Variants in PTPN1 observed in about 807,000 individuals in gnomAD.
PTPN1 encodes tyrosine-protein phosphatase non-receptor type 1.
PTPN1 carries 12 observed loss-of-function variants against 59.9 expected under a neutral mutation model. That is an observed-to-expected ratio of 0.20 (90% confidence interval 0.13 to 0.32). PTPN1 has a LOEUF of 0.32. Ranked by LOEUF, PTPN1 falls within the 10% of genes least tolerant of loss-of-function variation. The probability of loss-of-function intolerance (pLI) is 1.00; values close to 1 mark genes in which losing one functional copy is unlikely to be tolerated. For synonymous variants in PTPN1, 178 were observed against 203.6 expected (o/e 0.87, Z 1.07); for missense variants, 356 against 549.2 (o/e 0.65, Z 3.52).
intron 1 of PTPN1, among the ~76,000 whole-genome samples, chr20:50,554,783 C>G (rs1238170082): frequency 6.6e-6 from 1 of 151,570 alleles, no homozygotes; most frequent in Admixed American, 6.6e-5. Flanking sequence ...AAATAGAACA[C>G]TAAAAAATGA....
intron 1 of PTPN1, among the ~76,000 whole-genome samples, chr20:50,519,116 T>C (rs1180901459): frequency 6.6e-6 from 1 of 152,216 alleles, no homozygotes; most frequent in African/African-American, 2.4e-5. Flanking sequence ...TACCCAGGTC[T>C]GCTACTTGCC....
intron 1 of PTPN1, among the ~76,000 whole-genome samples, chr20:50,554,602 T>A (rs1204811003): frequency 6.6e-6 from 1 of 152,044 alleles, no homozygotes; most frequent in Non-Finnish European, 1.5e-5. Flanking sequence ...TATTTTTATT[T>A]TAAAATTTAT....
rs539796974 is a variant in PTPN1, at chr20:50,510,408, G to C, written c.-120G>C. On this transcript the variant is annotated 5_prime_UTR_variant, in exon 1 of 10. Transcript: ENST00000371621. ...ATGAAGAAGCAGCAGCGGCTAGGGC[G>C]GCGGTAGCTGCAGGGGTCGGGGATT... The C allele has an allele frequency of 1.5e-3, 1,603 of 1,066,018 alleles. 7 individuals carry two copies. The highest frequency in any genetic ancestry group is 1.8e-3 in the Non-Finnish European group (1,328 of 744,568). The allele number at this position is 1,066,018 out of a possible 1,614,324, so 66.0% of individuals were successfully genotyped here. A position where few individuals can be genotyped will look rare whatever the true frequency, so the allele number is the denominator to read the frequency against.
intron 1 of PTPN1, among the ~76,000 whole-genome samples, chr20:50,558,840 C>T (rs968928517): frequency 6.6e-6 from 1 of 152,058 alleles, no homozygotes; most frequent in Non-Finnish European, 1.5e-5. Context: ...ACCCTGCTAT[C>T]TCTCCCTCCA....
chr20:50,557,409 TTATCTTTTGA>T (rs1393488668), intron 1 of PTPN1, among the ~76,000 whole-genome samples: 1 of 152,096 alleles, frequency 6.6e-6, no homozygotes, highest in African/African-American at 2.4e-5. Context: ...CTCAAAATGT[TTATCTTTTGA>T]TACATTATTC....
chr20:50,518,146 A>C (rs1254660312), intron 1 of PTPN1, among the ~76,000 whole-genome samples: 1 of 152,186 alleles, frequency 6.6e-6, no homozygotes, highest in African/African-American at 2.4e-5. Context: ...CCTTTTGCAG[A>C]ATCTTACTTA....
At chr20:50,575,267 A>G (rs145648815) in intron 5 of PTPN1, among the ~76,000 whole-genome samples, 58 of 152,312 alleles carry the variant, frequency 3.8e-4, no homozygotes, top group African/African-American at 1.4e-3. Flanking sequence ...TCTGGGGAAC[A>G]GTGGAGGGAG....
At chr20:50,555,072 A>G (rs1207171054) in intron 1 of PTPN1, among the ~76,000 whole-genome samples, 1 of 152,234 alleles carries the variant, frequency 6.6e-6, no homozygotes, top group Non-Finnish European at 1.5e-5. Context: ...GAAATTAGAA[A>G]AAGAACAAAT....
In PTPN1 at chr20:50,537,631, C is replaced by T. The variant is rs139961462; in HGVS notation, c.64-23732C>T. On this transcript the variant is annotated intron_variant, in intron 1 of 9. Transcript: ENST00000371621. ...GCATTCCCTCTCCTAATCATATCTC[C>T]GTCATACCCTTGTATGTTTTCTTTA... 4.8e-3 allele frequency among the ~76,000 whole-genome samples: 731 copies of T among 152,280 alleles called. 2 individuals are homozygous for T. The highest frequency in any genetic ancestry group is 0.015 in the African/African-American group (637 of 41,536).
In PTPN1 at chr20:50,560,184, G is replaced by C. The variant is rs114219346; in HGVS notation, c.64-1179G>C. Reference sequence around the variant, plus strand: ...TTGGGGAAAAGGACTCGAGTTCCTGGTGTTTGGCTTGTGTATGGCCGCTTA... The same window carrying C: ...TTGGGGAAAAGGACTCGAGTTCCTGCTGTTTGGCTTGTGTATGGCCGCTTA... On this transcript the variant is annotated intron_variant, in intron 1 of 9. Coordinates refer to ENST00000371621, the MANE Select transcript of PTPN1 (RefSeq NM_002827.4). 5.7e-3 allele frequency among the ~76,000 whole-genome samples: 865 copies of C among 152,210 alleles called. 8 individuals carry two copies. Among genetic ancestry groups the C allele is most frequent in the African/African-American group, 0.02 (819 of 41,536 alleles).
chr20:50,549,887 C>CAT (rs1354186702), intron 1 of PTPN1, among the ~76,000 whole-genome samples: 1 of 152,004 alleles, frequency 6.6e-6, no homozygotes, highest in East Asian at 1.9e-4. Context: ...CATTAACTTT[C>CAT]ATATATAGCA....
chr20:50,536,297 CT>C (rs1347468806), intron 1 of PTPN1, among the ~76,000 whole-genome samples: 1 of 152,170 alleles, frequency 6.6e-6, no homozygotes, highest in Non-Finnish European at 1.5e-5. Context: ...TTGGCGCTTA[CT>C]TCATTTAAAA....
chr20:50,543,735 T>A lies in PTPN1; in HGVS notation c.64-17628T>A, dbSNP rs182195116. On this transcript the variant is annotated intron_variant, in intron 1 of 9. Coordinates refer to ENST00000371621, the MANE Select transcript of PTPN1 (RefSeq NM_002827.4). Reference sequence around the variant, plus strand: ...ATGGTTTAATGTTAAATGCTTTTTTTAAAAAAGTGGTATTCCAATATCGAA... The same window carrying A: ...ATGGTTTAATGTTAAATGCTTTTTTAAAAAAAGTGGTATTCCAATATCGAA... Among the ~76,000 whole-genome samples the A allele has an allele frequency of 1.9e-4, 29 of 152,312 alleles. No individual in the cohort carries two copies. In the East Asian group the frequency reaches 4.2e-3, roughly 22 times the overall value.
chr20:50,539,644 CT>C (rs5841806), intron 1 of PTPN1, among the ~76,000 whole-genome samples: 31,464 of 90,698 alleles, frequency 0.35, 4,609 homozygotes, highest in African/African-American at 0.47. Flanking sequence ...CTCTTTCTCT[CT>C]TTTTTTTTTT....
chr20:50,544,134 G>A (rs560561340), intron 1 of PTPN1, among the ~76,000 whole-genome samples: 34 of 152,150 alleles, frequency 2.2e-4, no homozygotes, highest in African/African-American at 7.0e-4. Flanking sequence ...ATGAGCCACC[G>A]CGCCTGGACT....
intron 1 of PTPN1, among the ~76,000 whole-genome samples, chr20:50,555,769 A>G (rs2082723523): frequency 6.6e-6 from 1 of 150,936 alleles, no homozygotes; most frequent in East Asian, 1.9e-4. Flanking sequence ...ACACACACAC[A>G]CCAAAAAAAG....
Position 50,582,272 on chromosome 20 carries a change from C to G in PTPN1, c.1285-420C>G, listed in dbSNP as rs2082872751. Among the ~76,000 whole-genome samples, 2 of 152,240 alleles carry G rather than the reference C, an allele frequency of 1.3e-5. No homozygotes were observed. Among genetic ancestry groups the G allele is most frequent in the African/African-American group, 2.4e-5 (1 of 41,462 alleles). ...GGGGTCAGAGGTCACCACAGGGTGG[C>G]CATTGGCATGTCAACCCGCTGTTAA... On this transcript the variant is annotated intron_variant, in intron 9 of 9. Coordinates refer to ENST00000371621, the MANE Select transcript of PTPN1 (RefSeq NM_002827.4). The surrounding 1 kb of genome is among the most constrained non-coding windows in gnomAD (Gnocchi z 4.2).
At chr20:50,562,819 A>G (rs969459281) in intron 2 of PTPN1, among the ~76,000 whole-genome samples, 1 of 152,232 alleles carries the variant, frequency 6.6e-6, no homozygotes, top group Admixed American at 6.5e-5. Flanking sequence ...CAACAGAACC[A>G]TCACCGTTCA....
chr20:50,535,234 T>G (rs547948460), intron 1 of PTPN1, among the ~76,000 whole-genome samples: 6 of 152,280 alleles, frequency 3.9e-5, no homozygotes, highest in African/African-American at 1.2e-4. Flanking sequence ...GGGTGTTACC[T>G]CCAGATTCCT....
Sources: allele counts gnomAD v4.1 joint callset (sites outside exome capture counted in the v4.1 genomes callset), GRCh38; gene constraint gnomAD v4.1.1; non-coding constraint Gnocchi (gnomAD v3.1); transcripts MANE v1.5; gene names NCBI Gene and HGNC (gene_info 2026-07-23, HGNC 2026-07-21).